HNRNPR: variants seen among roughly 807,000 people sequenced by gnomAD.
HNRNPR encodes heterogeneous nuclear ribonucleoprotein R.
HNRNPR carries 4 observed loss-of-function variants against 70.3 expected under a neutral mutation model. The ratio of observed to expected loss-of-function variants is 0.06; its 90% CI spans 0.03 to 0.13. The LOEUF is 0.13. Ranked by LOEUF, HNRNPR falls within the 10% of genes least tolerant of loss-of-function variation. HNRNPR has a pLI of 1.00. For missense variants in HNRNPR, 423 were observed against 788.5 expected, an observed-to-expected ratio of 0.54 and a Z score of 5.55; for synonymous variants, 241 against 267.6, an observed-to-expected ratio of 0.90 and a Z score of 0.97.
intron 7 of HNRNPR, among the ~76,000 whole-genome samples, chr1:23,319,878 T>C (rs945054059): frequency 1.3e-5 from 2 of 152,228 alleles, no homozygotes; most frequent in Non-Finnish European, 2.9e-5. Flanking sequence ...TTGCTCTTTG[T>C]ATGCTACAAC....
intron 5 of HNRNPR, among the ~76,000 whole-genome samples, chr1:23,325,597 T>C (rs1164587212): frequency 6.6e-6 from 1 of 152,166 alleles, no homozygotes; most frequent in East Asian, 1.9e-4. Flanking sequence ...TCTCACAATG[T>C]CTACTTTCAC....
intron 1 of HNRNPR, among the ~76,000 whole-genome samples, chr1:23,343,667 G>A (rs1001326803): frequency 1.3e-5 from 2 of 152,192 alleles, no homozygotes; most frequent in Non-Finnish European, 2.9e-5. Flanking sequence ...TGGGAGGGGA[G>A]GGAGGCTTCC....
Position 23,318,885 on chromosome 1 carries a change from T to C in HNRNPR, c.812-197A>G, listed in dbSNP as rs1488754174. On this transcript the variant is annotated intron_variant, in intron 7 of 10. Transcript: ENST00000302271. This position sits in a 1 kb window ranked among gnomAD's most constrained non-coding sequence, Gnocchi z 4.2. Reference sequence around the variant, plus strand: ...AGTATTTGATGTTCCTTTTTAATTTTAGGGGTTCTGAAGGTACAGCCATAT... The same window carrying C: ...AGTATTTGATGTTCCTTTTTAATTTCAGGGGTTCTGAAGGTACAGCCATAT... Among the ~76,000 whole-genome samples, 2 of 152,202 alleles carry C rather than the reference T, an allele frequency of 1.3e-5. No individual in the cohort carries two copies. Among genetic ancestry groups the C allele is most frequent in the Non-Finnish European group, 2.9e-5 (2 of 68,038 alleles).
chr1:23,324,526 C>T (rs964307564), intron 5 of HNRNPR, among the ~76,000 whole-genome samples: 1 of 152,116 alleles, frequency 6.6e-6, no homozygotes, highest in East Asian at 1.9e-4. Context: ...CGAGATCGTG[C>T]CACTGCACTC....
At position 23,338,549 on chromosome 1, in the gene HNRNPR, C is replaced by T. The variant is rs1192208624; in HGVS notation, c.217G>A (p.Glu73Lys). 1 of 1,601,572 alleles carries T rather than the reference C, an allele frequency of 6.2e-7. No homozygotes were observed. The highest frequency in any genetic ancestry group is 1.1e-5 in the South Asian group (1 of 89,146). ...TGTAGTACAGACAGAGCTCCTTCTTCATTAAATTCCCTGAGAGCATCAATT... is the reference window on the plus strand; with the variant it reads ...TGTAGTACAGACAGAGCTCCTTCTTTATTAAATTCCCTGAGAGCATCAATT... ...RAIDALREFN[E>K]EGALSVLQQF... The change falls in exon 3 of 11, where the codon GAA becomes AAA. Residue 73 changes from glutamate to lysine, a missense_variant. Coordinates refer to ENST00000302271, the MANE Select transcript of HNRNPR (RefSeq NM_005826.5).
At chr1:23,326,327 T>C (rs966335882) in intron 5 of HNRNPR, among the ~76,000 whole-genome samples, 6 of 152,172 alleles carry the variant, frequency 3.9e-5, no homozygotes, top group Admixed American at 6.5e-5. Flanking sequence ...GATACTGTTA[T>C]ATGTGATTTA....
At chr1:23,311,129 G>T (rs1480334013) in intron 10 of HNRNPR, 63 bp from the exon 11 acceptor site, 2 of 1,607,778 alleles carry the variant, frequency 1.2e-6, no homozygotes, top group Non-Finnish European at 1.7e-6. Flanking sequence ...CTCTGATTTT[G>T]TTTTATTAAT....
chr1:23,328,056 T>A (rs1406578471), intron 5 of HNRNPR, among the ~76,000 whole-genome samples: 1 of 148,408 alleles, frequency 6.7e-6, no homozygotes, highest in African/African-American at 2.5e-5. Flanking sequence ...TCCAAGTTGA[T>A]GGAACAGGTA....
chr1:23,343,546 C>T (rs1037463510), intron 1 of HNRNPR, among the ~76,000 whole-genome samples: 4 of 152,196 alleles, frequency 2.6e-5, no homozygotes, highest in Non-Finnish European at 4.4e-5. Context: ...CAATTTGGTG[C>T]GCCTCTGACA....
At chr1:23,321,056 G>A (rs1293254866) in intron 7 of HNRNPR, among the ~76,000 whole-genome samples, 3 of 151,328 alleles carry the variant, frequency 2.0e-5, no homozygotes, top group East Asian at 2.0e-4. Context: ...CCAGCTACTC[G>A]GGAGGCTGAG....
Position 23,318,762 on chromosome 1 carries a change from C to A in HNRNPR, c.812-74G>T. On this transcript the variant is annotated intron_variant, in intron 7 of 10. Transcript: ENST00000302271. The surrounding 1 kb of genome is among the most constrained non-coding windows in gnomAD (Gnocchi z 4.2). The stretch of plus-strand genomic sequence containing the variant: ...TCTAGCGATTAGGCAGACCTAAATC[C>A]ACTTGACGATGAGCAAAATATAAGT... 1 of 1,449,084 alleles carries A rather than the reference C, an allele frequency of 6.9e-7. No homozygotes were observed. Among genetic ancestry groups the A allele is most frequent in the South Asian group, 1.2e-5 (1 of 82,638 alleles). The allele number at this position is 1,449,084 out of a possible 1,614,324, so 89.8% of individuals were successfully genotyped here. A position where few individuals can be genotyped will look rare whatever the true frequency, so the allele number is the denominator to read the frequency against.
rs771858174 is a variant in HNRNPR at position 23,310,885 on chromosome 1, A to G, written c.1471T>C (p.Tyr491His). The change falls in exon 11 of 11, where the codon TAC (tyrosine) becomes CAC (histidine). Residue 491 changes from tyrosine (Y) to histidine (H), a missense_variant. By Grantham distance (83) the Tyr-to-His change is moderately conservative (BLOSUM62 2). Transcript: ENST00000302271. This position sits in a 1 kb window ranked among gnomAD's most constrained non-coding sequence, Gnocchi z 6.0. ...ACTGCATAGCCATCATCATAGCCGT[A>G]GTAGGGATCTTCATAGCCTCCACGA... is the stretch of plus-strand genomic sequence containing the variant. ...DYRGGYEDPY[Y>H]GYDDGYAVRG... 1.9e-6 allele frequency: 3 copies of G among 1,614,100 alleles called. No individual in the cohort carries two copies. The highest frequency in any genetic ancestry group is 1.7e-5 in the Admixed American group (1 of 60,022).
intron 8 of HNRNPR, among the ~76,000 whole-genome samples, chr1:23,315,791 T>A (rs1407379045): frequency 6.6e-6 from 1 of 152,142 alleles, no homozygotes; most frequent in African/African-American, 2.4e-5. Flanking sequence ...AGATACTAAT[T>A]TAAGGAGGAA....
intron 6 of HNRNPR, 64 bp downstream of exon 6, chr1:23,323,492 T>C: frequency 6.9e-7 from 1 of 1,444,202 alleles, no homozygotes; most frequent in Non-Finnish European, 9.5e-7. Context: ...CTACAAACAT[T>C]TTTGAATTAA....
At chr1:23,342,238 T>G (rs1646730136) in intron 1 of HNRNPR, among the ~76,000 whole-genome samples, 2 of 152,186 alleles carry the variant, frequency 1.3e-5, no homozygotes, top group South Asian at 4.1e-4. Flanking sequence ...CCAGGTGCAG[T>G]TTTCTGGCTT....
In HNRNPR at chr1:23,326,853, C is replaced by T. The variant is rs946236400; in HGVS notation, c.499-3121G>A. Among the ~76,000 whole-genome samples, 16 of 152,260 alleles carry T rather than the reference C, an allele frequency of 1.1e-4. 2 individuals carry two copies. In the South Asian group the frequency reaches 3.3e-3, roughly 32 times the overall value. ...CTTGCCTTCTCTACAAGTATTAACA[C>T]TGGTGATGCAACTACCACCGTCAAA... On this transcript the variant is annotated intron_variant, in intron 5 of 10. Coordinates refer to ENST00000302271, the MANE Select transcript of HNRNPR (RefSeq NM_005826.5).
At chr1:23,339,290 A>C (rs1397173741) in intron 2 of HNRNPR, among the ~76,000 whole-genome samples, 1 of 152,240 alleles carries the variant, frequency 6.6e-6, no homozygotes, top group Admixed American at 6.5e-5. Context: ...GTTCTTCTGA[A>C]GTGACAAGCT....
In HNRNPR at chr1:23,313,548, C is replaced by T; in HGVS notation, c.1167+5G>A. On this transcript the variant is annotated splice_donor_5th_base_variant and intron_variant, in intron 9 of 10. Transcript: ENST00000302271. ...TATCAAGAACCAAAATTTCAAAATT[C>T]CTACCTTAACAGCTGCTCCTCTGTC... 1 of 1,530,832 alleles carries T rather than the reference C, an allele frequency of 6.5e-7. No individual in the cohort carries two copies. Among genetic ancestry groups the T allele is most frequent in the Non-Finnish European group, 8.7e-7 (1 of 1,146,296 alleles). 94.8% of individuals were successfully genotyped at this position (1,530,832 alleles called of 1,614,324 possible).
intron 1 of HNRNPR, among the ~76,000 whole-genome samples, chr1:23,343,921 G>A (rs1308153902): frequency 6.6e-6 from 1 of 152,164 alleles, no homozygotes; most frequent in African/African-American, 2.4e-5. Context: ...AGCAGCGAGC[G>A]GAGGCGGGAA....
Sources: gnomAD v4.1 joint callset for allele counts (sites outside exome capture counted in the v4.1 genomes callset) on GRCh38, gnomAD v4.1.1 for gene constraint, Gnocchi (gnomAD v3.1) non-coding constraint, MANE v1.5 for transcripts, NCBI Gene and HGNC (gene_info 2026-07-23, HGNC 2026-07-21) for gene names.